MROH7: variants seen among roughly 807,000 people sequenced by gnomAD.
MROH7 encodes the protein maestro heat-like repeat-containing protein family member 7.
A neutral mutation model predicts 129.2 loss-of-function variants in MROH7; 113 were observed. The observed-to-expected ratio is 0.87, with a 90% CI of 0.75 to 1.02. The LOEUF is 1.02. Among genes scored for constraint, MROH7 ranks in the 50% least tolerant of loss-of-function variants. MROH7 has a pLI of 0.00. For synonymous variants in MROH7, 655 were observed against 667.9 expected (o/e 0.98, Z 0.30); for missense variants, 1,601 against 1,671.3 (o/e 0.96, Z 0.73).
chr1:54,695,469 G>C lies in MROH7; in HGVS notation c.2943G>C (p.Thr981=), dbSNP rs780992924. 2 of 1,613,550 alleles carry C rather than the reference G, an allele frequency of 1.2e-6. No homozygotes were observed. Among genetic ancestry groups the C allele is most frequent in the Non-Finnish European group, 1.7e-6 (2 of 1,179,792 alleles). The change falls in exon 17 of 24, where the codon ACG becomes ACC. Residue 981 remains threonine (T), a synonymous_variant. Coordinates refer to ENST00000421030, the MANE Select transcript of MROH7 (RefSeq NM_001039464.4). The part of the protein sequence containing the change: ...LERGDEKHRI[T]ATAFFVELLQ... ...GAGGCGACGAGAAGCACAGGATCAC[G>C]GCCACCGCCTTCTTCGTGGAGGTAC...
rs1487565954 is a variant in MROH7 at position 54,709,294 on chromosome 1, A to G, written c.3730+218A>G. Among the ~76,000 whole-genome samples, 8 of 152,166 alleles carry G rather than the reference A, an allele frequency of 5.3e-5. No homozygotes were observed. The East Asian group carries it at 1.3e-3, about 26-fold the overall frequency. On this transcript the variant is annotated intron_variant, in intron 23 of 23. Coordinates refer to ENST00000421030, the MANE Select transcript of MROH7 (RefSeq NM_001039464.4). Reference sequence around the variant, plus strand: ...GAGTGCAGTGGCACAATCTCGGCTCACTGCAACCTCTCGCTCCTGGTTCAA... The same window carrying G: ...GAGTGCAGTGGCACAATCTCGGCTCGCTGCAACCTCTCGCTCCTGGTTCAA...
intron 7 of MROH7, among the ~76,000 whole-genome samples, chr1:54,671,732 ATCACT>A (rs1644906956): frequency 6.6e-6 from 1 of 152,218 alleles, no homozygotes; most frequent in Admixed American, 6.5e-5. Flanking sequence ...ACATTCATTC[ATCACT>A]TCATTTAGCA....
At position 54,696,422 on chromosome 1, in the gene MROH7, C is replaced by T. The variant is rs79615817; in HGVS notation, c.2964+932C>T. Among the ~76,000 whole-genome samples the T allele has an allele frequency of 7.5e-4, 114 of 152,248 alleles. No individual in the cohort carries two copies. The East Asian group carries it at 8.1e-3, about 11-fold the overall frequency. ...TGCAACCATCACCACCATTCATCTC[C>T]AGAACTTTCGTATCTTTCACTACTG... On this transcript the variant is annotated intron_variant, in intron 17 of 23. Coordinates refer to ENST00000421030, the MANE Select transcript of MROH7 (RefSeq NM_001039464.4).
intron 15 of MROH7, among the ~76,000 whole-genome samples, chr1:54,688,940 G>A (rs1272745344): frequency 2.0e-5 from 3 of 152,172 alleles, no homozygotes; most frequent in African/African-American, 7.2e-5. Flanking sequence ...AGGAGTGCCC[G>A]AGTATCCACC....
At chr1:54,704,472 C>T (rs1201405039) in intron 21 of MROH7, among the ~76,000 whole-genome samples, 2 of 142,670 alleles carry the variant, frequency 1.4e-5, no homozygotes, top group Non-Finnish European at 3.0e-5. Context: ...CTCACTCTGT[C>T]ACTCAGGCTG....
At chr1:54,689,394 C>A (rs182771295) in intron 15 of MROH7, among the ~76,000 whole-genome samples, 1 of 152,192 alleles carries the variant, frequency 6.6e-6, no homozygotes, top group Non-Finnish European at 1.5e-5. Context: ...TCTAGAACTG[C>A]GAAAAAATAT....
chr1:54,701,348 C>T lies in MROH7; in HGVS notation c.3285+26C>T, dbSNP rs758288571. 3.9e-6 allele frequency: 6 copies of T among 1,533,480 alleles called. No homozygotes were observed. The Admixed American group carries it at 1.0e-4, about 26-fold the overall frequency. The allele number at this position is 1,533,480 out of a possible 1,614,324, so 95.0% of individuals were successfully genotyped here. A position where few individuals can be genotyped will look rare whatever the true frequency, so the allele number is the denominator to read the frequency against. On this transcript the variant is annotated intron_variant, in intron 19 of 23. Transcript: ENST00000421030. ...GTGAGGACCTCACAGAGCGAAGGAG[C>T]AGGAGGGATCGAGAAGGGGGTCTTT...
chr1:54,679,540 G>A, intron 12 of MROH7, 101 bp downstream of exon 12: 1 of 1,325,606 alleles, frequency 7.5e-7, no homozygotes, highest in Non-Finnish European at 1.0e-6. Context: ...GCAGGGTGGG[G>A]TATACCTGAA....
chr1:54,671,146 G>A (rs1644895673), intron 7 of MROH7, among the ~76,000 whole-genome samples: 1 of 152,178 alleles, frequency 6.6e-6, no homozygotes, highest in Non-Finnish European at 1.5e-5. Context: ...CCAGCACTTT[G>A]GGAGGCTGAG....
At position 54,670,539 on chromosome 1, in the gene MROH7, G is replaced by T. The variant is rs775363362; in HGVS notation, c.1432G>T (p.Val478Phe). The change falls in exon 6 of 24, where the codon GTC (valine) becomes TTC (phenylalanine). Residue 478 changes from valine (V) to phenylalanine (F), a missense_variant. Transcript: ENST00000421030. ...GCCACTGGATTCTCTCTCAAGCTCC[G>T]TCCGCAAGCAGGCCATGGAGATCCT... ...EEPLDSLSSS[V>F]RKQAMEILTQ... 4 of 1,613,838 alleles carry T rather than the reference G, an allele frequency of 2.5e-6. No individual in the cohort carries two copies. Among genetic ancestry groups the T allele is most frequent in the Non-Finnish European group, 3.4e-6 (4 of 1,179,908 alleles).
intron 3 of MROH7, among the ~76,000 whole-genome samples, chr1:54,659,492 T>G (rs1644699655): frequency 6.6e-6 from 1 of 151,648 alleles, no homozygotes; most frequent in Non-Finnish European, 1.5e-5. Flanking sequence ...TTCACTCTTG[T>G]TGCCCAGGCT....
At chr1:54,642,564 A>G (rs17110869) in intron 1 of MROH7, among the ~76,000 whole-genome samples, 3,264 of 152,330 alleles carry the variant, frequency 0.021, 100 homozygotes, top group Admixed American at 0.093. Context: ...TGGGTTGAAG[A>G]AACATGGATT....
chr1:54,664,473 G>A (rs1173998327), intron 3 of MROH7, among the ~76,000 whole-genome samples: 1 of 152,170 alleles, frequency 6.6e-6, no homozygotes, highest in East Asian at 1.9e-4. Context: ...GCAGTGGCCC[G>A]GGTAGAGGGA....
At chr1:54,678,912 A>G in intron 11 of MROH7, 58 bp downstream of exon 11, 1 of 1,332,420 alleles carries the variant, frequency 7.5e-7, no homozygotes, top group Non-Finnish European at 1.1e-6. Context: ...GGGCAGTGCC[A>G]CCTGGCCCCA....
At chr1:54,666,830 G>T (rs1319568017) in intron 4 of MROH7, among the ~76,000 whole-genome samples, 2 of 152,074 alleles carry the variant, frequency 1.3e-5, no homozygotes, top group Non-Finnish European at 2.9e-5. Flanking sequence ...CTTGTGAAAG[G>T]GTCTGTTCAG....
At chr1:54,695,312 TC>T (rs1017374408) in intron 16 of MROH7, 63 bp from the exon 17 acceptor site, 10 of 846,190 alleles carry the variant, frequency 1.2e-5, no homozygotes, top group Admixed American at 2.3e-5. Context: ...CACAAGCAAA[TC>T]CCCCCCACAG....
chr1:54,659,697 C>T (rs1644703748), intron 3 of MROH7, among the ~76,000 whole-genome samples: 2 of 152,218 alleles, frequency 1.3e-5, no homozygotes, highest in South Asian at 4.1e-4. Flanking sequence ...AGGTGATCCA[C>T]CTGCCTCGGC....
At chr1:54,680,402 G>A (rs541445351) in intron 13 of MROH7, among the ~76,000 whole-genome samples, 21 of 152,312 alleles carry the variant, frequency 1.4e-4, no homozygotes, top group Admixed American at 3.9e-4. Context: ...ATTGAAAGGA[G>A]GTCTGCGTGT....
chr1:54,699,191 T>TTC (rs1185487850), intron 17 of MROH7: 13 of 110,648 alleles, frequency 1.2e-4, no homozygotes, highest in South Asian at 5.7e-4. Flanking sequence ...TTCTTTCTCT[T>TTC]TCTTTCTTTC....
Sources: allele counts gnomAD v4.1 joint callset (sites outside exome capture counted in the v4.1 genomes callset), GRCh38; gene constraint gnomAD v4.1.1; transcripts MANE v1.5; gene names NCBI Gene and HGNC (gene_info 2026-07-23, HGNC 2026-07-21).